Variants in EXT2 observed in about 807,000 individuals in gnomAD.
EXT2 encodes the protein exostosin glycosyltransferase 2, also known as exostosin-2.
EXT2 carries 53 observed loss-of-function variants against 81.6 expected under a neutral mutation model. That is an observed-to-expected ratio of 0.65 (90% confidence interval 0.52 to 0.82). The LOEUF (loss-of-function observed/expected upper bound fraction) is 0.82. Among genes scored for constraint, EXT2 ranks in the 40% least tolerant of loss-of-function variants. EXT2 has a pLI of 0.00. For synonymous variants in EXT2, 320 were observed against 340.0 expected (o/e 0.94, Z 0.65); for missense variants, 774 against 910.2 (o/e 0.85, Z 1.93).
At chr11:44,161,836 A>G (rs905809604) in intron 7 of EXT2, among the ~76,000 whole-genome samples, 5 of 152,194 alleles carry the variant, frequency 3.3e-5, no homozygotes, top group Non-Finnish European at 7.4e-5. Flanking sequence ...TCTCTGTAGT[A>G]TTCTCCAAAA....
chr11:44,124,222 A>T (rs951388903), intron 4 of EXT2, among the ~76,000 whole-genome samples: 8 of 152,036 alleles, frequency 5.3e-5, no homozygotes, highest in African/African-American at 1.9e-4. Flanking sequence ...GGCCTTGATG[A>T]TGGGGACTTT....
At chr11:44,110,411 A>C (rs1590551294) in intron 3 of EXT2, among the ~76,000 whole-genome samples, 1 of 152,314 alleles carries the variant, frequency 6.6e-6, no homozygotes, top group East Asian at 1.9e-4. Flanking sequence ...GTCCGGGTGC[A>C]CAAATGCTGT....
intron 13 of EXT2, among the ~76,000 whole-genome samples, chr11:44,239,491 C>T (rs960885543): frequency 6.8e-6 from 1 of 147,334 alleles, no homozygotes; most frequent in Non-Finnish European, 1.5e-5. Flanking sequence ...CTCCCAGGTT[C>T]AAGTGATTCT....
intron 4 of EXT2, among the ~76,000 whole-genome samples, chr11:44,119,155 T>TACATAC (rs1382529421): frequency 2.2e-5 from 1 of 45,278 alleles, no homozygotes; most frequent in African/African-American, 6.6e-5. Context: ...TATATATATA[T>TACATAC]ATATATATAT....
In EXT2 at chr11:44,229,559, G is replaced by A. The variant is rs116622117; in HGVS notation, c.1663-2794G>A. Among the ~76,000 whole-genome samples the A allele has an allele frequency of 5.6e-3, 845 of 152,242 alleles. 14 individuals carry two copies. The highest frequency in any genetic ancestry group is 0.019 in the African/African-American group (797 of 41,538). On this transcript the variant is annotated intron_variant, in intron 10 of 13. Transcript: ENST00000533608. ...TAGGTCAGACATTCCATAAAAACAC[G>A]GAGATGGTCACAGTGAGGACTGGGC... is the stretch of plus-strand genomic sequence containing the variant.
chr11:44,165,885 A>T (rs1954987971), intron 7 of EXT2, among the ~76,000 whole-genome samples: 1 of 152,238 alleles, frequency 6.6e-6, no homozygotes, highest in Non-Finnish European at 1.5e-5. Context: ...GGAATGGGGT[A>T]GAAAAAAGGT....
At position 44,231,225 on chromosome 11, in the gene EXT2, A is replaced by G. The variant is rs1955895196; in HGVS notation, c.1663-1128A>G. On this transcript the variant is annotated intron_variant, in intron 10 of 13. Coordinates refer to ENST00000533608, the MANE Select transcript of EXT2 (RefSeq NM_207122.2). ...TAGAGGGAATGGCACTAGAGGTGGT[A>G]AGAGATAGAAGAAGAGCCAGCAGTA... is the stretch of plus-strand genomic sequence containing the variant. 2.0e-5 allele frequency among the ~76,000 whole-genome samples: 3 copies of G among 152,136 alleles called. No individual in the cohort carries two copies. The South Asian group carries it at 6.2e-4, about 32-fold the overall frequency.
chr11:44,146,633 C>T (rs1316628669), intron 7 of EXT2, among the ~76,000 whole-genome samples: 1 of 152,160 alleles, frequency 6.6e-6, no homozygotes, highest in Non-Finnish European at 1.5e-5. Flanking sequence ...GATACCTCAT[C>T]CACAAGGTGG....
chr11:44,186,149 G>T (rs1365618590), intron 8 of EXT2, among the ~76,000 whole-genome samples: 1 of 152,090 alleles, frequency 6.6e-6, no homozygotes, highest in East Asian at 1.9e-4. Context: ...TAAATCTTTT[G>T]TACTGTAAAA....
chr11:44,096,392 G>A, intron 1 of EXT2: 2 of 1,457,034 alleles, frequency 1.4e-6, no homozygotes, highest in South Asian at 1.2e-5. Flanking sequence ...CGGGGACTGG[G>A]TGACCGGGAA....
At chr11:44,226,017 A>G (rs995927899) in intron 10 of EXT2, among the ~76,000 whole-genome samples, 9 of 152,244 alleles carry the variant, frequency 5.9e-5, no homozygotes, top group Non-Finnish European at 1.3e-4. Context: ...TTTCTTTGGC[A>G]GTATCTTCCT....
At chr11:44,145,854 C>T (rs1487910340) in intron 7 of EXT2, among the ~76,000 whole-genome samples, 3 of 152,200 alleles carry the variant, frequency 2.0e-5, no homozygotes, top group Non-Finnish European at 4.4e-5. Flanking sequence ...ATATACTATA[C>T]ACAATTCAGA....
intron 8 of EXT2, among the ~76,000 whole-genome samples, chr11:44,174,232 T>C: frequency 6.6e-6 from 1 of 152,208 alleles, no homozygotes; most frequent in Non-Finnish European, 1.5e-5. Flanking sequence ...CACTTTTAGA[T>C]TGTTTTAGAC....
In EXT2 at chr11:44,244,826, G is replaced by C. The variant is rs2135285478; in HGVS notation, c.*539G>C. ...TTGGGACCTGGAGTGCTGGGCTTGT[G>C]CACAGGAAGAGCACCAGCCGCTGAG... is the stretch of plus-strand genomic sequence containing the variant. On this transcript the variant is annotated 3_prime_UTR_variant, in exon 14 of 14. Coordinates refer to ENST00000533608, the MANE Select transcript of EXT2 (RefSeq NM_207122.2). 1 of 241,950 alleles carries C rather than the reference G, an allele frequency of 4.1e-6. No individual in the cohort carries two copies. Among genetic ancestry groups the C allele is most frequent in the South Asian group, 1.5e-4 (1 of 6,500 alleles). 15.0% of individuals were successfully genotyped at this position (241,950 alleles called of 1,614,324 possible). A position where few individuals can be genotyped will look rare whatever the true frequency, so the allele number is the denominator to read the frequency against.
At chr11:44,237,161 A>C (rs1955975473) in intron 13 of EXT2, among the ~76,000 whole-genome samples, 1 of 152,152 alleles carries the variant, frequency 6.6e-6, no homozygotes, top group Non-Finnish European at 1.5e-5. Context: ...AGGATATAGT[A>C]GCCTTTTAGA....
In EXT2 at chr11:44,245,621, AC is replaced by A. The variant is rs1358157351; in HGVS notation, c.*1335del. 5.9e-5 allele frequency among the ~76,000 whole-genome samples: 9 copies of A among 152,238 alleles called. No homozygotes were observed. ...ATTTGCTTAGAATATGGATATAATT[AC>A]AGAAACCTAGTTGTTTTGCCAGTCA... is the stretch of plus-strand genomic sequence containing the variant. On this transcript the variant is annotated 3_prime_UTR_variant, in exon 14 of 14. Coordinates refer to ENST00000533608, the MANE Select transcript of EXT2 (RefSeq NM_207122.2).
At chr11:44,111,807 G>C (rs1052741749) in intron 3 of EXT2, among the ~76,000 whole-genome samples, 7 of 152,158 alleles carry the variant, frequency 4.6e-5, no homozygotes, top group African/African-American at 1.4e-4. Flanking sequence ...CCAGACATCA[G>C]ATCCTTGCAT....
intron 7 of EXT2, chr11:44,144,367 A>G (rs760936831): frequency 8.3e-6 from 13 of 1,564,744 alleles, no homozygotes; most frequent in Admixed American, 1.7e-5. Context: ...AACCGGGCCC[A>G]GCAGAAATGA....
chr11:44,170,606 G>T (rs1055689762), intron 7 of EXT2, among the ~76,000 whole-genome samples: 2 of 152,098 alleles, frequency 1.3e-5, no homozygotes, highest in Non-Finnish European at 2.9e-5. Context: ...ACAGTATCAG[G>T]AATGAAAAGA....
Sources: gnomAD v4.1 joint callset for allele counts (sites outside exome capture counted in the v4.1 genomes callset) on GRCh38, gnomAD v4.1.1 for gene constraint, MANE v1.5 for transcripts, NCBI Gene and HGNC (gene_info 2026-07-23, HGNC 2026-07-21) for gene names.